GPM6A: variants seen among roughly 807,000 people sequenced by gnomAD.
GPM6A encodes glycoprotein M6A.
In GPM6A, 7 loss-of-function variants were observed where a neutral mutation model predicts 32.1. That is an observed-to-expected ratio of 0.22 (90% CI 0.12 to 0.41). The LOEUF (loss-of-function observed/expected upper bound fraction) is 0.41. GPM6A is among the 10% of genes least tolerant of loss of function. The pLI is 1.00. For missense variants in GPM6A, 235 were observed against 347.2 expected, an observed-to-expected ratio of 0.68 and a Z score of 2.57; for synonymous variants, 130 against 123.4, an observed-to-expected ratio of 1.05 and a Z score of -0.35.
intron 4 of GPM6A, chr4:175,641,065 T>C (rs1741113847): frequency 2.1e-6 from 1 of 483,284 alleles, no homozygotes; most frequent in Non-Finnish European, 3.7e-6. Flanking sequence ...CTGAATTCAA[T>C]TGAATCTCAC....
intron 1 of GPM6A, among the ~76,000 whole-genome samples, chr4:175,889,518 C>CAAAAA (rs35210127): frequency 7.3e-6 from 1 of 137,018 alleles, no homozygotes; most frequent in African/African-American, 2.9e-5. Context: ...ACCCTGTCTC[C>CAAAAA]AAAAAAAAAA....
chr4:175,656,790 G>A (rs765586546), intron 3 of GPM6A, among the ~76,000 whole-genome samples: 12 of 152,074 alleles, frequency 7.9e-5, no homozygotes, highest in Non-Finnish European at 1.5e-4. Context: ...CACCAGTAGA[G>A]GTAAAAATAA....
chr4:175,933,674 C>CT (rs1162664064), intron 1 of GPM6A, among the ~76,000 whole-genome samples: 2 of 152,158 alleles, frequency 1.3e-5, no homozygotes, highest in African/African-American at 4.8e-5. Flanking sequence ...TCCCGAATAG[C>CT]TGGGACTACA....
chr4:175,887,830 T>C (rs1737512021), intron 1 of GPM6A, among the ~76,000 whole-genome samples: 1 of 151,908 alleles, frequency 6.6e-6, no homozygotes, highest in Non-Finnish European at 1.5e-5. Flanking sequence ...ATAATAATAA[T>C]TTCAATAATC....
chr4:175,982,121 T>C (rs566784201), intron 1 of GPM6A, among the ~76,000 whole-genome samples: 46 of 152,282 alleles, frequency 3.0e-4, no homozygotes, highest in Non-Finnish European at 6.3e-4. Flanking sequence ...GTTTTTATTA[T>C]TCTTTATATA....
chr4:175,914,056 T>A (rs1560991299), intron 1 of GPM6A, among the ~76,000 whole-genome samples: 1 of 151,804 alleles, frequency 6.6e-6, no homozygotes, highest in South Asian at 2.1e-4. Context: ...CAAGTCACCA[T>A]AGGATTTGTG....
intron 1 of GPM6A, among the ~76,000 whole-genome samples, chr4:175,707,288 C>T (rs538439263): frequency 1.3e-5 from 2 of 152,172 alleles, no homozygotes; most frequent in Non-Finnish European, 2.9e-5. Context: ...GATGGGGACC[C>T]CTTTCCAGTA....
intron 2 of GPM6A, among the ~76,000 whole-genome samples, chr4:175,678,131 C>G (rs1054510893): frequency 3.3e-5 from 5 of 152,084 alleles, no homozygotes; most frequent in African/African-American, 7.2e-5. Context: ...GAGACACACT[C>G]ACACATATGA....
intron 1 of GPM6A, among the ~76,000 whole-genome samples, chr4:175,811,504 T>G (rs559206044): frequency 1.3e-5 from 2 of 152,248 alleles, no homozygotes; most frequent in South Asian, 4.1e-4. Context: ...AAATGGAAAT[T>G]TCACTTTAAC....
At chr4:175,702,617 A>G (rs1416901243) in intron 1 of GPM6A, among the ~76,000 whole-genome samples, 3 of 151,828 alleles carry the variant, frequency 2.0e-5, no homozygotes, top group African/African-American at 7.3e-5. Context: ...CGAGTTCAAG[A>G]GATTCTCCTG....
At chr4:175,747,995 C>T (rs2111181659) in intron 1 of GPM6A, among the ~76,000 whole-genome samples, 1 of 152,124 alleles carries the variant, frequency 6.6e-6, no homozygotes, top group Admixed American at 6.5e-5. Context: ...CTCAAGAAAA[C>T]TTTTTTCATT....
intron 1 of GPM6A, among the ~76,000 whole-genome samples, chr4:175,961,769 C>A (rs542544564): frequency 3.5e-4 from 53 of 152,246 alleles, no homozygotes; most frequent in African/African-American, 1.2e-3. Flanking sequence ...AAGACCTACC[C>A]TCAAGGGAAA....
rs190041263 is a variant in GPM6A, at chr4:175,749,401, A to G, written c.38-47634T>C. ...GCTGTTGGAAAAATGGTGTTAACAG[A>G]CTTGCTGGACACGGTTGCCACAAAC... On this transcript the variant is annotated intron_variant, in intron 1 of 6. Transcript: ENST00000393658. 5.3e-5 allele frequency among the ~76,000 whole-genome samples: 8 copies of G among 152,320 alleles called. No individual in the cohort carries two copies. The East Asian group carries it at 1.5e-3, about 29-fold the overall frequency.
chr4:175,666,694 T>A (rs147717300), intron 3 of GPM6A, among the ~76,000 whole-genome samples: 9 of 152,306 alleles, frequency 5.9e-5, no homozygotes, highest in Middle Eastern at 6.8e-3. Context: ...GGAAGGGTAG[T>A]TGAGCTGGAA....
chr4:175,922,484 G>A (rs1738700561), intron 1 of GPM6A, among the ~76,000 whole-genome samples: 1 of 152,130 alleles, frequency 6.6e-6, no homozygotes, highest in Non-Finnish European at 1.5e-5. Context: ...CCTTATTCTT[G>A]TATGTAGATA....
chr4:175,813,053 T>C, upstream of GPM6A: 1 of 984,570 alleles, frequency 1.0e-6, no homozygotes, highest in Non-Finnish European at 1.2e-6. Context: ...GTAATTATTT[T>C]ACTTAGTGCC....
At chr4:175,796,878 T>C (rs866489868) in intron 1 of GPM6A, among the ~76,000 whole-genome samples, 32 of 152,332 alleles carry the variant, frequency 2.1e-4, no homozygotes, top group Middle Eastern at 3.4e-3. Flanking sequence ...ATTTCTTTCC[T>C]GTCTAAACAT....
In GPM6A at chr4:175,944,320, T is replaced by C. The variant is rs1461757461; in HGVS notation, c.-23+57989A>G. Reference sequence around the variant, plus strand: ...CATATACTGTAATTAGAAATTGTTCTGTGCATCATGATTAAACCAGTAACT... The same window carrying C: ...CATATACTGTAATTAGAAATTGTTCCGTGCATCATGATTAAACCAGTAACT... On this transcript the variant is annotated intron_variant, in intron 1 of 7. Transcript: ENST00000280187. 2.6e-5 allele frequency among the ~76,000 whole-genome samples: 4 copies of C among 152,340 alleles called. No homozygotes were observed. The East Asian group carries it at 5.8e-4, about 22-fold the overall frequency.
chr4:175,672,242 C>T (rs1186715928), intron 3 of GPM6A, among the ~76,000 whole-genome samples: 2 of 152,162 alleles, frequency 1.3e-5, no homozygotes, highest in Non-Finnish European at 2.9e-5. Flanking sequence ...CTTTCAGACC[C>T]CCTTATCTCT....
Sources: gnomAD v4.1 joint callset for allele counts (sites outside exome capture counted in the v4.1 genomes callset) on GRCh38, gnomAD v4.1.1 for gene constraint, MANE v1.5 for transcripts, NCBI Gene and HGNC (gene_info 2026-07-23, HGNC 2026-07-21) for gene names.